Variants in LRTM3 observed in about 807,000 individuals in gnomAD.
LRTM3 encodes leucine rich repeat transmembrane protein 3.
the LRTM3 span, chr13:102,749,776 AT>A: frequency 3.2e-6 from 5 of 1,551,348 alleles, no homozygotes; most frequent in Non-Finnish European, 3.5e-6. Flanking sequence ...AAAGACCTTG[AT>A]TCTGAAAAGC....
the LRTM3 span, chr13:102,731,186 CT>C: frequency 6.4e-7 from 1 of 1,551,442 alleles, no homozygotes. Flanking sequence ...CTCACTGTCA[CT>C]TGAAACATCA....
chr13:102,739,657 A>C, the LRTM3 span: 1 of 1,550,500 alleles, frequency 6.4e-7, no homozygotes, highest in African/African-American at 1.4e-5. Context: ...TTGGCTTCAA[A>C]ATGATGTTAG....
chr13:102,739,619 C>T, the LRTM3 span: 2 of 1,550,294 alleles, frequency 1.3e-6, no homozygotes, highest in Admixed American at 2.0e-5. Flanking sequence ...TTCCTTTATA[C>T]TGAGTATATG....
chr13:102,731,915 A>T, the LRTM3 span: 9 of 1,549,746 alleles, frequency 5.8e-6, no homozygotes, highest in South Asian at 1.1e-4. Context: ...GATGATACGT[A>T]AGTCTGGTTT....
At chr13:102,730,510 GT>G in the LRTM3 span, 29 of 1,551,350 alleles carry the variant, frequency 1.9e-5, no homozygotes, top group East Asian at 6.4e-4. Context: ...GATATTGTTT[GT>G]TTTTTTCTGG....
At chr13:102,737,699 T>A in the LRTM3 span, 2 of 1,550,792 alleles carry the variant, frequency 1.3e-6, no homozygotes, top group Non-Finnish European at 1.7e-6. Flanking sequence ...TTGCATGTAA[T>A]CTTTTGCTTT....
the LRTM3 span, chr13:102,747,075 T>C: frequency 6.4e-7 from 1 of 1,550,986 alleles, no homozygotes; most frequent in African/African-American, 1.4e-5. Context: ...TTTGGTAGAG[T>C]TTCTTTGACG....
At chr13:102,747,522 T>C in the LRTM3 span, 7 of 1,550,864 alleles carry the variant, frequency 4.5e-6, no homozygotes, top group Non-Finnish European at 6.1e-6. Flanking sequence ...AAGTGGTTAT[T>C]GAAAGACCCC....
the LRTM3 span, among the ~76,000 whole-genome samples, chr13:102,752,791 T>C: frequency 6.6e-6 from 1 of 152,216 alleles, no homozygotes; most frequent in Admixed American, 6.5e-5. Flanking sequence ...AAATAGGCTA[T>C]TAAAGTTAAA....
At chr13:102,738,519 G>T in the LRTM3 span, 7 of 1,550,730 alleles carry the variant, frequency 4.5e-6, no homozygotes, top group Non-Finnish European at 4.4e-6. Flanking sequence ...TGAATTCCCT[G>T]TGAAATTGAT....
chr13:102,734,943 T>G, the LRTM3 span: 1 of 1,551,064 alleles, frequency 6.4e-7, no homozygotes, highest in African/African-American at 1.4e-5. Context: ...TCACCAGCAA[T>G]TGGCCTTATA....
the LRTM3 span, chr13:102,731,550 G>A: frequency 6.4e-7 from 1 of 1,551,388 alleles, no homozygotes; most frequent in Non-Finnish European, 8.7e-7. Context: ...TCTGGAAAAG[G>A]TGGTGACTTC....
the LRTM3 span, chr13:102,736,437 G>A: frequency 6.4e-7 from 1 of 1,551,156 alleles, no homozygotes; most frequent in Admixed American, 2.0e-5. Context: ...TTCTGTGGAA[G>A]GAGTTGTTTC....
At chr13:102,740,796 T>C in the LRTM3 span, 1 of 1,549,390 alleles carries the variant, frequency 6.5e-7, no homozygotes, top group South Asian at 1.2e-5. Flanking sequence ...CCTTTTGTAT[T>C]TGAAGTGAGG....
chr13:102,739,094 G>A, the LRTM3 span: 3 of 1,550,308 alleles, frequency 1.9e-6, no homozygotes, highest in Non-Finnish European at 2.6e-6. Context: ...TTTTATTCTA[G>A]GATTCCATTC....
the LRTM3 span, chr13:102,741,410 T>C: frequency 6.5e-7 from 1 of 1,550,298 alleles, no homozygotes; most frequent in Non-Finnish European, 8.7e-7. Context: ...AGGCACTTTG[T>C]GCTGTACCTC....
the LRTM3 span, among the ~76,000 whole-genome samples, chr13:102,757,337 C>T: frequency 6.0e-4 from 91 of 152,300 alleles, 1 homozygote; most frequent in Middle Eastern, 0.02. Flanking sequence ...AGAAATTAGA[C>T]GAACATCAAG....
At chr13:102,750,976 C>T in the LRTM3 span, among the ~76,000 whole-genome samples, 5 of 152,186 alleles carry the variant, frequency 3.3e-5, no homozygotes, top group Admixed American at 3.3e-4. Flanking sequence ...CTCAGACCAA[C>T]AGCATCAGCA....
chr13:102,749,363 G>A, the LRTM3 span: 1 of 1,551,188 alleles, frequency 6.4e-7, no homozygotes, highest in East Asian at 2.4e-5. Context: ...CTGGCCTTGT[G>A]CTTTTACACT....
Sources: gnomAD v4.1 joint callset for allele counts (sites outside exome capture counted in the v4.1 genomes callset) on GRCh38, gnomAD v4.1.1 for gene constraint, MANE v1.5 for transcripts, NCBI Gene and HGNC (gene_info 2026-07-23, HGNC 2026-07-21) for gene names.